The following CUBN variants were observed in gnomAD, a reference collection of about 807,000 sequenced individuals.
CUBN encodes 460 kDa receptor.
In CUBN, 282 loss-of-function variants were observed where a neutral mutation model predicts 405.3. The observed-to-expected ratio is 0.70, with a 90% CI of 0.63 to 0.77. The LOEUF (loss-of-function observed/expected upper bound fraction) is 0.77, where lower values mean the gene tolerates loss of function less well. Ranked by LOEUF, CUBN falls within the 30% of genes least tolerant of loss-of-function variation. CUBN has a pLI of 0.00. For missense variants in CUBN, 4,514 were observed against 4,475.2 expected (o/e 1.01, Z -0.25); for synonymous variants, 1,684 against 1,617.0 (o/e 1.04, Z -0.99).
chr10:17,045,874 C>T lies in CUBN; in HGVS notation c.3490+60G>A. 3 of 1,563,938 alleles carry T rather than the reference C, an allele frequency of 1.9e-6. No homozygotes were observed. In the South Asian group the frequency reaches 3.3e-5, roughly 17 times the overall value. On this transcript the variant is annotated intron_variant, in intron 24 of 66. Coordinates refer to ENST00000377833, the MANE Select transcript of CUBN (RefSeq NM_001081.4). Reference sequence around the variant, plus strand: ...AGTGAGGGACAGAGCATGACAATCCCAGAATCAAGAAACCAATCAGATTGG... The same window carrying T: ...AGTGAGGGACAGAGCATGACAATCCTAGAATCAAGAAACCAATCAGATTGG...
At chr10:17,019,277 G>C (rs535266680) in intron 28 of CUBN, among the ~76,000 whole-genome samples, 1 of 152,212 alleles carries the variant, frequency 6.6e-6, no homozygotes, top group Admixed American at 6.5e-5. Flanking sequence ...CCAATTCGTA[G>C]GTGGGATCCA....
At chr10:16,975,063 T>C (rs1052596241) in intron 31 of CUBN, among the ~76,000 whole-genome samples, 4 of 152,212 alleles carry the variant, frequency 2.6e-5, no homozygotes, top group African/African-American at 9.6e-5. Flanking sequence ...GATTTTTCAC[T>C]GCACGACAGG....
At position 16,824,801 on chromosome 10, in the gene CUBN, G is replaced by T. The variant is rs1775755611; in HGVS notation, c.*174C>A. ...TCCCAAAGTGCTGAGAATACAGGGG[G>T]GTGAGCCACCACGCCTGGCCTACAA... On this transcript the variant is annotated 3_prime_UTR_variant, in exon 67 of 67. Coordinates refer to ENST00000377833, the MANE Select transcript of CUBN (RefSeq NM_001081.4). 3.2e-6 allele frequency: 2 copies of T among 620,278 alleles called. No homozygotes were observed. The highest frequency in any genetic ancestry group is 3.0e-6 in the Non-Finnish European group (1 of 334,884). 38.4% of individuals were successfully genotyped at this position (620,278 alleles called of 1,614,324 possible).
chr10:17,120,523 C>A (rs1340764742), intron 6 of CUBN, among the ~76,000 whole-genome samples: 1 of 152,184 alleles, frequency 6.6e-6, no homozygotes, highest in African/African-American at 2.4e-5. Context: ...TGTATTCTTG[C>A]TCTCCTTTAT....
intron 37 of CUBN, 79 bp from the exon 38 acceptor site, chr10:16,939,226 G>C (rs1260253095): frequency 2.6e-6 from 3 of 1,159,434 alleles, no homozygotes; most frequent in East Asian, 4.8e-5. Flanking sequence ...AAAGGCAAAG[G>C]GTGTTGAAAA....
intron 53 of CUBN, 42 bp downstream of exon 53, chr10:16,900,583 A>G (rs755575768): frequency 4.2e-5 from 60 of 1,434,454 alleles, no homozygotes; most frequent in Admixed American, 5.0e-5. Context: ...CATACTATAC[A>G]TCACTAAAAA....
chr10:16,992,084 C>CT (rs1833606342), intron 28 of CUBN, among the ~76,000 whole-genome samples: 1 of 152,158 alleles, frequency 6.6e-6, no homozygotes, highest in Non-Finnish European at 1.5e-5. Flanking sequence ...AGTTCATATC[C>CT]TTTTTAGGGA....
At position 17,088,200 on chromosome 10, in the gene CUBN, G is replaced by A. The variant is rs41289311; in HGVS notation, c.1911C>T (p.Leu637=). The part of the protein sequence containing the change: ...LVTFTFGTLS[L]EHHDDCNKDY... ...CTTTGTTGCAGTCATCATGGTGCTC[G>A]AGGCTCAAGGTCCCAAAAGTAAATG... The change falls in exon 15 of 67, where the codon CTC becomes CTT. Residue 637 remains leucine, a synonymous_variant. Transcript: ENST00000377833. 68,950 of 1,612,820 alleles carry A rather than the reference G, an allele frequency of 0.043. 2,835 individuals carry two copies. Among genetic ancestry groups the A allele is most frequent in the South Asian group, 0.19 (17,203 of 90,968 alleles).
At chr10:16,972,818 C>G (rs1190531083) in intron 31 of CUBN, among the ~76,000 whole-genome samples, 1 of 152,116 alleles carries the variant, frequency 6.6e-6, no homozygotes, top group African/African-American at 2.4e-5. Context: ...ATTCTAGTGA[C>G]TGCCACCGTG....
At chr10:16,986,236 G>C (rs1190089062) in intron 29 of CUBN, among the ~76,000 whole-genome samples, 1 of 152,192 alleles carries the variant, frequency 6.6e-6, no homozygotes, top group Admixed American at 6.5e-5. Flanking sequence ...GCGGCTCTCA[G>C]GGGGATCTGG....
intron 56 of CUBN, among the ~76,000 whole-genome samples, chr10:16,882,179 C>A (rs1012028462): frequency 6.6e-6 from 1 of 152,264 alleles, no homozygotes; most frequent in East Asian, 1.9e-4. Flanking sequence ...CAGACATATG[C>A]GAACTTGTGA....
chr10:16,877,185 A>G, intron 56 of CUBN, 88 bp from the exon 57 acceptor site: 1 of 1,097,150 alleles, frequency 9.1e-7, no homozygotes, highest in Non-Finnish European at 1.4e-6. Flanking sequence ...TGTGATGATG[A>G]CTCATGCAAT....
At chr10:17,048,755 T>G (rs1835195095) in intron 22 of CUBN, among the ~76,000 whole-genome samples, 1 of 152,226 alleles carries the variant, frequency 6.6e-6, no homozygotes, top group African/African-American at 2.4e-5. Context: ...TAAACTATTG[T>G]GTTTCATTGT....
rs184365268 is a variant in CUBN, at chr10:16,931,835, A to C, written c.6124+1252T>G. On this transcript the variant is annotated intron_variant, in intron 40 of 66. Transcript: ENST00000377833. ...TGATGGAACAAAAACAACTCAATGG[A>C]ATGTGATTTTAAAAGAATAACCATA... Among the ~76,000 whole-genome samples the C allele has an allele frequency of 4.1e-3, 627 of 152,332 alleles. 2 individuals are homozygous for C. The highest frequency in any genetic ancestry group is 0.013 in the African/African-American group (546 of 41,564).
chr10:16,900,614 A>C lies in CUBN; in HGVS notation c.8410+11T>G. The C allele has an allele frequency of 1.9e-6, 3 of 1,588,930 alleles. No individual in the cohort carries two copies. The highest frequency in any genetic ancestry group is 3.3e-4 in the Middle Eastern group (2 of 6,018). On this transcript the variant is annotated intron_variant, in intron 53 of 66. Transcript: ENST00000377833. ...AAAAAGAAAATCAAATGGAGCAAACATTTCTTTTACCTAAAGTTTGTGTGT... is the reference window on the plus strand; with the variant it reads ...AAAAAGAAAATCAAATGGAGCAAACCTTTCTTTTACCTAAAGTTTGTGTGT...
At chr10:16,934,739 C>T (rs1423831285) in intron 39 of CUBN, among the ~76,000 whole-genome samples, 3 of 152,192 alleles carry the variant, frequency 2.0e-5, no homozygotes, top group Non-Finnish European at 2.9e-5. Context: ...TGTTACTTTA[C>T]AGTGAGCACT....
chr10:17,059,322 A>G (rs1835456376), intron 22 of CUBN, among the ~76,000 whole-genome samples: 1 of 152,120 alleles, frequency 6.6e-6, no homozygotes, highest in Non-Finnish European at 1.5e-5. Context: ...CAAACCACAA[A>G]GCAACAATGA....
In CUBN at chr10:17,052,786, A is replaced by AAGAG. The variant is rs71505102; in HGVS notation, c.3140-5187_3140-5184dup. Among the ~76,000 whole-genome samples the AAGAG allele has an allele frequency of 3.0e-3, 330 of 110,832 alleles. 1 individual carries two copies. Among genetic ancestry groups the AAGAG allele is most frequent in the African/African-American group, 0.011 (288 of 26,862 alleles). The allele number at this position is 110,832 out of a possible 152,430, so 72.7% of individuals were successfully genotyped here. On this transcript the variant is annotated intron_variant, in intron 22 of 66. Coordinates refer to ENST00000377833, the MANE Select transcript of CUBN (RefSeq NM_001081.4). ...AAAAAAAAAAAAAAAAAAAAAAAAAAAGAGAGAGAGAGAGAGAGAATTAGT... is the reference window on the plus strand; with the variant it reads ...AAAAAAAAAAAAAAAAAAAAAAAAAAAGAGAGAGAGAGAGAGAGAGAGAATTAGT...
intron 19 of CUBN, among the ~76,000 whole-genome samples, chr10:17,070,027 TATAATCC>T (rs1159353354): frequency 2.6e-5 from 4 of 152,228 alleles, no homozygotes; most frequent in Non-Finnish European, 5.9e-5. Context: ...CATTTAGGTC[TATAATCC>T]ATTTTTAGTT....
Sources: gnomAD v4.1 joint callset for allele counts (sites outside exome capture counted in the v4.1 genomes callset) on GRCh38, gnomAD v4.1.1 for gene constraint, MANE v1.5 for transcripts, NCBI Gene and HGNC (gene_info 2026-07-23, HGNC 2026-07-21) for gene names.